Variants in TMPRSS6 observed in about 807,000 individuals in gnomAD.
TMPRSS6 encodes transmembrane protease serine 6.
Under a neutral mutation model 101.5 loss-of-function variants are expected in TMPRSS6, and 67 were observed. That is an observed-to-expected ratio of 0.66 (90% CI 0.54 to 0.81). The LOEUF (loss-of-function observed/expected upper bound fraction) is 0.81. TMPRSS6 is among the 30% of genes least tolerant of loss of function. TMPRSS6 has a pLI of 0.00. For synonymous variants in TMPRSS6, 453 were observed against 464.9 expected, an observed-to-expected ratio of 0.97 and a Z score of 0.33; for missense variants, 1,034 against 1,088.7, an observed-to-expected ratio of 0.95 and a Z score of 0.71.
In TMPRSS6 at chr22:37,084,386, C is replaced by T. The variant is rs762548397; in HGVS notation, c.1105G>A (p.Gly369Ser). Residue 369 changes from glycine (G) to serine (S), a missense_variant, in exon 10 of 18, where the codon GGC becomes AGC. Coordinates refer to ENST00000676104, the MANE Select transcript of TMPRSS6 (RefSeq NM_001374504.1). ...WHLTVPSLDYGLALWFDAYAL... is the reference protein window; with the variant it reads ...WHLTVPSLDYSLALWFDAYAL... ...TAGGCATCAAACCAGAGGGCCAAGC[C>T]GTAGTCCAGAGAGGGCACCTGGGAG... 2.2e-5 allele frequency: 36 copies of T among 1,612,406 alleles called. No homozygotes were observed. In the Middle Eastern group the frequency reaches 1.8e-3, roughly 83 times the overall value.
intron 16 of TMPRSS6, among the ~76,000 whole-genome samples, 174 bp downstream of exon 16, chr22:37,068,899 C>T (rs1338233528): frequency 6.6e-6 from 1 of 152,226 alleles, no homozygotes; most frequent in East Asian, 1.9e-4. Context: ...GCCTACAGGC[C>T]GCATTAAATG....
In TMPRSS6 at chr22:37,084,805, G is replaced by A. The variant is rs756002103; in HGVS notation, c.1008C>T (p.Leu336=). ...GGGTGCTGAGGACGCCCTGGGAGTC[G>A]AGCCTGTTGTCCAGCGTCAGGTTCA... ...CEVNLTLDNR[L]DSQGVLSTPY... Residue 336 remains leucine (L), a synonymous_variant, in exon 9 of 18, where the codon CTC becomes CTT. Transcript: ENST00000676104. 44 of 1,560,508 alleles carry A rather than the reference G, an allele frequency of 2.8e-5. No homozygotes were observed. Among genetic ancestry groups the A allele is most frequent in the African/African-American group, 1.2e-4 (9 of 73,728 alleles).
chr22:37,097,843 A>G (rs34806445), intron 3 of TMPRSS6, among the ~76,000 whole-genome samples: 311 of 79,770 alleles, frequency 3.9e-3, no homozygotes, highest in South Asian at 5.1e-3. Flanking sequence ...CGGAGGGGGA[A>G]GAGCGGGCCA....
Position 37,089,583 on chromosome 22 carries a change from G to T in TMPRSS6, c.831C>A (p.Ile277=). ...DVAGPLEKRL[I]TSVYGCSRQE... is the part of the protein sequence containing the mutation. The stretch of plus-strand genomic sequence containing the variant: ...CCTCCTTCCCAGGGACTCACGAGGT[G>T]ATGAGCCTCTTCTCCAGGGGCCCGG... Residue 277 remains isoleucine (I), a synonymous_variant, in exon 7 of 18, where the codon ATC becomes ATA. Coordinates refer to ENST00000676104, the MANE Select transcript of TMPRSS6 (RefSeq NM_001374504.1). The T allele has an allele frequency of 6.2e-7, 1 of 1,606,392 alleles. No homozygotes were observed.
intron 13 of TMPRSS6, among the ~76,000 whole-genome samples, chr22:37,073,140 GTGGGTGGGTAGA>G (rs1927289911): frequency 6.9e-6 from 1 of 144,142 alleles, no homozygotes; most frequent in African/African-American, 2.6e-5. Context: ...GGGTGGATGG[GTGGGTGGGTAGA>G]TGGGTGGGTG....
chr22:37,065,975 G>C lies in TMPRSS6; in HGVS notation c.*105C>G. ...GCCACCTCCTGCCACCACAGGGCCTGCTCTCTCCCCCACCCCCCGCCAGAA... is the reference window on the plus strand; with the variant it reads ...GCCACCTCCTGCCACCACAGGGCCTCCTCTCTCCCCCACCCCCCGCCAGAA... On this transcript the variant is annotated 3_prime_UTR_variant, in exon 18 of 18. Coordinates refer to ENST00000676104, the MANE Select transcript of TMPRSS6 (RefSeq NM_001374504.1). 6.8e-7 allele frequency: 1 copy of C among 1,481,170 alleles called. No individual in the cohort carries two copies. 91.8% of individuals were successfully genotyped at this position (1,481,170 alleles called of 1,614,324 possible).
chr22:37,087,080 C>T (rs1210309667), intron 7 of TMPRSS6, among the ~76,000 whole-genome samples: 4 of 152,250 alleles, frequency 2.6e-5, no homozygotes, highest in Admixed American at 1.3e-4. Flanking sequence ...GATAGGCCTG[C>T]GCTAGGCACT....
intron 1 of TMPRSS6, among the ~76,000 whole-genome samples, chr22:37,107,881 G>C (rs949689968): frequency 1.3e-5 from 2 of 152,190 alleles, no homozygotes; most frequent in Admixed American, 6.5e-5. Flanking sequence ...TAAATTGCCT[G>C]ATATGCAAAT....
Position 37,069,446 on chromosome 22 carries a change from A to C in TMPRSS6, c.1842-102T>G, listed in dbSNP as rs1926686821. On this transcript the variant is annotated intron_variant, in intron 15 of 17. Coordinates refer to ENST00000676104, the MANE Select transcript of TMPRSS6 (RefSeq NM_001374504.1). The surrounding 1 kb of genome is among the most constrained non-coding windows in gnomAD (Gnocchi z 4.8). ...CAAGATAGCCAGATCCCCGCCCGGG[A>C]CAGTGCCCTCCACACCCAGCCCTCC... The C allele has an allele frequency of 5.1e-6, 6 of 1,170,972 alleles. No individual in the cohort carries two copies. Among genetic ancestry groups the C allele is most frequent in the Middle Eastern group, 2.8e-4 (1 of 3,526 alleles). The allele number at this position is 1,170,972 out of a possible 1,614,324, so 72.5% of individuals were successfully genotyped here.
intron 10 of TMPRSS6, among the ~76,000 whole-genome samples, chr22:37,082,324 C>T (rs541118359): frequency 4.6e-5 from 7 of 152,332 alleles, no homozygotes; most frequent in East Asian, 1.9e-4. Flanking sequence ...GCTGGGGCCC[C>T]GCCTCTGGCA....
At chr22:37,108,548 C>G (rs1394157528) in intron 1 of TMPRSS6, among the ~76,000 whole-genome samples, 3 of 152,210 alleles carry the variant, frequency 2.0e-5, no homozygotes, top group African/African-American at 4.8e-5. Flanking sequence ...ATTGGAGGGT[C>G]TCGGGTCTGC....
At position 37,070,573 on chromosome 22, in the gene TMPRSS6, G is replaced by T. The variant is rs1400907954; in HGVS notation, c.1752C>A (p.Ser584Arg). 6 of 1,613,272 alleles carry T rather than the reference G, an allele frequency of 3.7e-6. No homozygotes were observed. The change falls in exon 15 of 18, where the codon AGC (serine) becomes AGA (arginine). Residue 584 changes from serine (S) to arginine (R), a missense_variant. Ser to Arg is a moderately radical substitution (Grantham distance 110, BLOSUM62 -1). Coordinates refer to ENST00000676104, the MANE Select transcript of TMPRSS6 (RefSeq NM_001374504.1). ...SSEGEWPWQA[S>R]LQVRGRHICG... The stretch of plus-strand genomic sequence containing the variant: ...AGATGTGTCGACCCCGAACCTGGAG[G>T]CTGGCCTGCCATGGCCACTCACCCT...
At chr22:37,086,504 G>T in intron 7 of TMPRSS6, 85 bp from the exon 8 acceptor site, 1 of 1,397,256 alleles carries the variant, frequency 7.2e-7, no homozygotes, top group Non-Finnish European at 9.9e-7. Context: ...CTGGGGGAGG[G>T]TGGACGGGAG....
Position 37,103,544 on chromosome 22 carries a change from C to A in TMPRSS6, c.-1-126G>T. 1 of 1,613,966 alleles carries A rather than the reference C, an allele frequency of 6.2e-7. No homozygotes were observed. The highest frequency in any genetic ancestry group is 8.5e-7 in the Non-Finnish European group (1 of 1,180,026). On this transcript the variant is annotated intron_variant, in intron 1 of 17. Coordinates refer to ENST00000676104, the MANE Select transcript of TMPRSS6 (RefSeq NM_001374504.1). This position sits in a 1 kb window ranked among gnomAD's most constrained non-coding sequence, Gnocchi z 4.4. ...GGAGTGGAAGAGTAACAACATCAGG[C>A]GGCAGTGACTGCAAGTGGGTGCCGA... is the stretch of plus-strand genomic sequence containing the variant.
Position 37,098,501 on chromosome 22 carries a change from C to A in TMPRSS6, c.251G>T (p.Arg84Leu). The change falls in exon 3 of 18, where the codon CGT becomes CTT. Residue 84 changes from arginine (R) to leucine (L), a missense_variant. By Grantham distance (102) the Arg-to-Leu change is moderately radical (BLOSUM62 -2). Transcript: ENST00000676104. ...MVSQVYSGSL[R>L]VLNRHFSQDL... ...CTGGGAGAAGTGGCGATTGAGTACA[C>A]GCAGACTGCCTGAGTACACCTGGCT... is the stretch of plus-strand genomic sequence containing the variant. The A allele has an allele frequency of 6.2e-7, 1 of 1,614,126 alleles. No individual in the cohort carries two copies. The highest frequency in any genetic ancestry group is 1.1e-5 in the South Asian group (1 of 91,082).
At chr22:37,067,011 T>G (rs756569444) in intron 16 of TMPRSS6, 49 bp from the exon 17 acceptor site, 20 of 1,612,778 alleles carry the variant, frequency 1.2e-5, no homozygotes, top group Middle Eastern at 1.7e-4. Flanking sequence ...CTGGAGCCCC[T>G]GTTCTCTATT....
At chr22:37,068,003 G>A (rs574938974) in intron 16 of TMPRSS6, among the ~76,000 whole-genome samples, 160 of 151,084 alleles carry the variant, frequency 1.1e-3, no homozygotes, top group African/African-American at 3.8e-3. Flanking sequence ...TCTGAATGTT[G>A]CCAACTCATC....
At chr22:37,091,214 G>T (rs759796075) in intron 6 of TMPRSS6, among the ~76,000 whole-genome samples, 3 of 152,180 alleles carry the variant, frequency 2.0e-5, no homozygotes, top group Admixed American at 6.5e-5. Flanking sequence ...TTTAAACCTC[G>T]CCAGAAGCCT....
At chr22:37,110,143 T>A (rs866013109), upstream of TMPRSS6, among the ~76,000 whole-genome samples, 1,030 of 146,674 alleles carry the variant, frequency 7.0e-3, 10 homozygotes, top group Non-Finnish European at 0.012. Context: ...CGTTCTTTTT[T>A]TTTTTTTTTT....
Sources: gnomAD v4.1 joint callset for allele counts (sites outside exome capture counted in the v4.1 genomes callset) on GRCh38, gnomAD v4.1.1 for gene constraint, Gnocchi (gnomAD v3.1) non-coding constraint, MANE v1.5 for transcripts, NCBI Gene and HGNC (gene_info 2026-07-23, HGNC 2026-07-21) for gene names.